Variants in GNAQ observed in about 807,000 individuals in gnomAD.
GNAQ encodes the protein G protein subunit alpha q, also known as guanine nucleotide-binding protein G(q) subunit alpha.
In GNAQ, 8 loss-of-function variants were observed where a neutral mutation model predicts 43.9. That is an observed-to-expected ratio of 0.18 (90% CI 0.11 to 0.33). The LOEUF is 0.33. Ranked by LOEUF, GNAQ falls within the 10% of genes least tolerant of loss-of-function variation. The pLI is 1.00. For synonymous variants in GNAQ, 155 were observed against 170.7 expected (o/e 0.91, Z 0.71); for missense variants, 158 against 450.8 (o/e 0.35, Z 5.88).
intron 2 of GNAQ, among the ~76,000 whole-genome samples, chr9:77,828,966 C>A (rs1208927966): frequency 6.6e-6 from 1 of 152,140 alleles, no homozygotes. Context: ...TGGGCACCAG[C>A]CAAACAGAAC....
At chr9:77,806,837 G>C (rs1224591204) in intron 3 of GNAQ, among the ~76,000 whole-genome samples, 2 of 152,190 alleles carry the variant, frequency 1.3e-5, no homozygotes, top group Non-Finnish European at 2.9e-5. Flanking sequence ...TCCTCAAGGA[G>C]ATTATAGTCT....
At chr9:77,805,780 A>G (rs1826820953) in intron 3 of GNAQ, among the ~76,000 whole-genome samples, 1 of 152,218 alleles carries the variant, frequency 6.6e-6, no homozygotes, top group African/African-American at 2.4e-5. Flanking sequence ...TAATCCTACC[A>G]TTTATGAATG....
At chr9:77,898,597 ATGGAT>A (rs1828541577) in intron 2 of GNAQ, among the ~76,000 whole-genome samples, 1 of 145,684 alleles carries the variant, frequency 6.9e-6, no homozygotes. Flanking sequence ...GATTTAATGG[ATGGAT>A]TGATGAATGA....
At chr9:77,920,137 C>CAA (rs879842743) in intron 2 of GNAQ, among the ~76,000 whole-genome samples, 28 of 128,970 alleles carry the variant, frequency 2.2e-4, no homozygotes, top group African/African-American at 7.4e-4. Context: ...GACTCTGTCT[C>CAA]AAAAAAAAAA....
At chr9:77,854,083 G>A (rs918797662) in intron 2 of GNAQ, among the ~76,000 whole-genome samples, 2 of 152,150 alleles carry the variant, frequency 1.3e-5, no homozygotes, top group African/African-American at 4.8e-5. Context: ...TGGGTCACAT[G>A]CCTCTCTTAC....
chr9:77,918,371 ATTTAT>A (rs1414168197), intron 2 of GNAQ, among the ~76,000 whole-genome samples: 1 of 152,158 alleles, frequency 6.6e-6, no homozygotes, highest in African/African-American at 2.4e-5. Context: ...CAAAATAGTT[ATTTAT>A]TTTATATCTT....
chr9:78,010,455 CA>C (rs895227703), intron 1 of GNAQ, among the ~76,000 whole-genome samples: 2 of 152,122 alleles, frequency 1.3e-5, no homozygotes, highest in Admixed American at 1.3e-4. Flanking sequence ...TAGAGGGGAA[CA>C]GACTTAACGA....
At chr9:77,758,209 T>C (rs1825934437) in intron 5 of GNAQ, among the ~76,000 whole-genome samples, 1 of 152,240 alleles carries the variant, frequency 6.6e-6, no homozygotes, top group African/African-American at 2.4e-5. Flanking sequence ...GTTTTATTTT[T>C]ACCCATTTTC....
At chr9:77,855,197 A>G (rs574671758) in intron 2 of GNAQ, among the ~76,000 whole-genome samples, 11 of 152,210 alleles carry the variant, frequency 7.2e-5, no homozygotes, top group Non-Finnish European at 1.6e-4. Flanking sequence ...TTAGAAGGGA[A>G]ACAAGAGGAG....
intron 5 of GNAQ, among the ~76,000 whole-genome samples, chr9:77,765,824 G>C (rs1826126259): frequency 6.6e-6 from 1 of 152,250 alleles, no homozygotes; most frequent in Non-Finnish European, 1.5e-5. Flanking sequence ...AAAGGTGGAA[G>C]GAACCCAAGT....
At chr9:77,956,264 G>A (rs547998038) in intron 1 of GNAQ, among the ~76,000 whole-genome samples, 17 of 152,252 alleles carry the variant, frequency 1.1e-4, no homozygotes, top group African/African-American at 2.6e-4. Flanking sequence ...AATTGAAGCC[G>A]AAATGTATAG....
At chr9:78,030,794 A>C (rs1824043107) in intron 1 of GNAQ, among the ~76,000 whole-genome samples, 1 of 152,138 alleles carries the variant, frequency 6.6e-6, no homozygotes, top group South Asian at 2.1e-4. Context: ...GCAGATGCAC[A>C]GCAGATAAGG....
intron 2 of GNAQ, among the ~76,000 whole-genome samples, chr9:77,857,332 C>T (rs574293585): frequency 1.1e-4 from 16 of 152,288 alleles, no homozygotes; most frequent in Admixed American, 1.3e-4. Flanking sequence ...TTAAGATCAG[C>T]GGTGTACAGC....
In GNAQ at chr9:77,728,671, GAAAAA is replaced by G; in HGVS notation, c.736-9_736-5del. On this transcript the variant is annotated splice_polypyrimidine_tract_variant and splice_region_variant and intron_variant, in intron 5 of 6. Transcript: ENST00000286548. ...CCTTGCTTTCCTCCATTCGGTTCTG[GAAAAA>G]AAAAAAAAATCAGAAAAAACAAGGA... 1 of 1,328,530 alleles carries G rather than the reference GAAAAA, an allele frequency of 7.5e-7. No homozygotes were observed. The highest frequency in any genetic ancestry group is 1.0e-6 in the Non-Finnish European group (1 of 967,158). The allele number at this position is 1,328,530 out of a possible 1,614,324, so 82.3% of individuals were successfully genotyped here. A position where few individuals can be genotyped will look rare whatever the true frequency, so the allele number is the denominator to read the frequency against.
At chr9:78,019,673 A>G (rs565883157) in intron 1 of GNAQ, among the ~76,000 whole-genome samples, 12 of 152,254 alleles carry the variant, frequency 7.9e-5, no homozygotes, top group East Asian at 7.7e-4. Flanking sequence ...CTATAATCCC[A>G]ACACTTTGGG....
intron 2 of GNAQ, among the ~76,000 whole-genome samples, chr9:77,841,880 C>T (rs1458832093): frequency 6.6e-6 from 1 of 152,166 alleles, no homozygotes; most frequent in African/African-American, 2.4e-5. Flanking sequence ...AGGTAAAACG[C>T]TTCTATTCTG....
chr9:77,727,087 CT>C (rs60016428), intron 6 of GNAQ, among the ~76,000 whole-genome samples: 4,466 of 139,044 alleles, frequency 0.032, 165 homozygotes, highest in African/African-American at 0.095. Context: ...AATAAATAAA[CT>C]TTTTTTTTTT....
intron 2 of GNAQ, among the ~76,000 whole-genome samples, chr9:77,883,806 T>G (rs1414581362): frequency 6.6e-6 from 1 of 152,206 alleles, no homozygotes; most frequent in Non-Finnish European, 1.5e-5. Context: ...CTTTGCTTCC[T>G]CCACTTACTC....
At chr9:77,887,799 T>C (rs1322625894) in intron 2 of GNAQ, among the ~76,000 whole-genome samples, 1 of 152,250 alleles carries the variant, frequency 6.6e-6, no homozygotes, top group Non-Finnish European at 1.5e-5. Flanking sequence ...TTAATATACA[T>C]ATACACACAC....
Sources: allele counts gnomAD v4.1 joint callset (sites outside exome capture counted in the v4.1 genomes callset), GRCh38; gene constraint gnomAD v4.1.1; transcripts MANE v1.5; gene names NCBI Gene and HGNC (gene_info 2026-07-23, HGNC 2026-07-21).